NUMA1: variants seen among roughly 807,000 people sequenced by gnomAD.
NUMA1 encodes SP-H antigen.
NUMA1 carries 62 observed loss-of-function variants against 237.1 expected under a neutral mutation model. That is an observed-to-expected ratio of 0.26 (90% CI 0.21 to 0.32). NUMA1 has a LOEUF of 0.32. NUMA1 is among the 10% of genes least tolerant of loss of function. The pLI is 1.00. For synonymous variants in NUMA1, 1,028 were observed against 1,066.1 expected, an observed-to-expected ratio of 0.96 and a Z score of 0.70; for missense variants, 2,533 against 2,666.5, an observed-to-expected ratio of 0.95 and a Z score of 1.10.
At position 72,003,907 on chromosome 11, in the gene NUMA1, TGGCACCAATGGC is replaced by T. The variant is rs1279206123; in HGVS notation, c.6304_6315del (p.Ala2102_Ala2105del). Reference sequence around the variant, plus strand: ...TCTACCTTGCCCTTGGCTCGAGGGGTGGCACCAATGGCGGCAGCAGTGGCGGCGCTGGCTGTG... The same window carrying T: ...TCTACCTTGCCCTTGGCTCGAGGGGTGGCAGCAGTGGCGGCGCTGGCTGTG... On this transcript the variant is annotated inframe_deletion, in exon 26 of 27. Transcript: ENST00000393695. 1.2e-6 allele frequency: 2 copies of T among 1,613,190 alleles called. No individual in the cohort carries two copies. The highest frequency in any genetic ancestry group is 2.7e-5 in the African/African-American group (2 of 74,806).
At chr11:72,046,913 T>C (rs1942033185) in intron 2 of NUMA1, among the ~76,000 whole-genome samples, 2 of 151,814 alleles carry the variant, frequency 1.3e-5, no homozygotes, top group Admixed American at 1.3e-4. Flanking sequence ...TGAGCTGAGA[T>C]TGCGCCATTG....
intron 4 of NUMA1, among the ~76,000 whole-genome samples, chr11:72,026,837 A>G (rs1405726302): frequency 3.9e-5 from 6 of 152,150 alleles, no homozygotes; most frequent in Non-Finnish European, 5.9e-5. Flanking sequence ...GCCAGAACAT[A>G]TTAACTAAGA....
intron 1 of NUMA1, among the ~76,000 whole-genome samples, chr11:72,079,518 C>A (rs1201725253): frequency 6.7e-6 from 1 of 149,518 alleles, no homozygotes; most frequent in Non-Finnish European, 1.5e-5. Context: ...CCGGCCTGGG[C>A]GATAGGGCGA....
rs1314480088 is a variant in NUMA1, at chr11:72,014,183, G to A, written c.3320C>T (p.Ala1107Val). The A allele has an allele frequency of 1.9e-6, 3 of 1,613,880 alleles. No individual in the cohort carries two copies. Among genetic ancestry groups the A allele is most frequent in the Non-Finnish European group, 8.5e-7 (1 of 1,180,050 alleles). Residue 1107 changes from alanine to valine, a missense_variant, in exon 15 of 27, where the codon GCC becomes GTC. Transcript: ENST00000393695. The surrounding 1 kb of genome is among the most constrained non-coding windows in gnomAD (Gnocchi z 4.6). Reference protein sequence around the residue: ...KEKEHASGSGAQSEAAGRTEP... With the variant: ...KEKEHASGSGVQSEAAGRTEP... ...TGTCCTGCCAGCAGCCTCAGATTGG[G>A]CTCCTGAGCCAGATGCGTGCTCCTT... is the stretch of plus-strand genomic sequence containing the variant.
Position 72,005,359 on chromosome 11 carries a change from G to C in NUMA1, c.5703C>G (p.Ser1901Arg). 1 of 1,607,338 alleles carries C rather than the reference G, an allele frequency of 6.2e-7. No homozygotes were observed. The highest frequency in any genetic ancestry group is 2.3e-5 in the East Asian group (1 of 44,138). Reference protein sequence around the residue: ...VSSGAPPGRNSFYMGTCQDEP... With the variant: ...VSSGAPPGRNRFYMGTCQDEP... The stretch of plus-strand genomic sequence containing the variant: ...CATCCTGGCAAGTGCCCATGTAGAA[G>C]CTGTTCCTTCCTGTGGAAGGCAGGG... The change falls in exon 23 of 27, where the codon AGC (serine) becomes AGG (arginine). Residue 1901 changes from serine (S) to arginine (R), a missense_variant. Ser to Arg is a moderately radical substitution (Grantham distance 110). Coordinates refer to ENST00000393695, the MANE Select transcript of NUMA1 (RefSeq NM_006185.4).
At position 72,004,537 on chromosome 11, in the gene NUMA1, G is replaced by A. The variant is rs1237755803; in HGVS notation, c.6006+103C>T. 6.2e-6 allele frequency: 8 copies of A among 1,299,556 alleles called. No homozygotes were observed. The Admixed American group carries it at 1.7e-4, about 28-fold the overall frequency. 80.5% of individuals were successfully genotyped at this position (1,299,556 alleles called of 1,614,324 possible). ...GGCCCTTGGAGAGAGGGAAAGAGAG[G>A]GGGAAGTGAGGGAAGGAGAGAGAAG... On this transcript the variant is annotated intron_variant, in intron 24 of 26. Coordinates refer to ENST00000393695, the MANE Select transcript of NUMA1 (RefSeq NM_006185.4).
At chr11:72,032,251 G>A (rs993797907) in intron 3 of NUMA1, among the ~76,000 whole-genome samples, 2 of 152,248 alleles carry the variant, frequency 1.3e-5, no homozygotes, top group African/African-American at 4.8e-5. Flanking sequence ...ACGTCTTAAA[G>A]AGTTTGCTAA....
chr11:72,077,136 A>C (rs1943745285), intron 1 of NUMA1, among the ~76,000 whole-genome samples: 1 of 152,172 alleles, frequency 6.6e-6, no homozygotes, highest in Admixed American at 6.5e-5. Flanking sequence ...AAGAAAGAAT[A>C]AGATGTAGAC....
chr11:72,048,958 G>GA (rs1942158273), intron 2 of NUMA1, among the ~76,000 whole-genome samples: 1 of 152,138 alleles, frequency 6.6e-6, no homozygotes, highest in African/African-American at 2.4e-5. Flanking sequence ...CTCTCCAGAG[G>GA]ATAATGGCTG....
At chr11:72,007,464 G>GT in intron 20 of NUMA1, 29 bp from the exon 21 acceptor site, 1 of 1,610,578 alleles carries the variant, frequency 6.2e-7, no homozygotes, top group Non-Finnish European at 8.5e-7. Context: ...CTGAGGTACA[G>GT]TCCTTCACGC....
intron 2 of NUMA1, among the ~76,000 whole-genome samples, chr11:72,061,867 C>T (rs564655389): frequency 1.3e-5 from 2 of 152,212 alleles, no homozygotes; most frequent in African/African-American, 4.8e-5. Flanking sequence ...CACAATAATA[C>T]AAAACCAAAG....
rs951277865 is a variant in NUMA1 at position 72,054,468 on chromosome 11, C to CA, written c.-33+15373dup. Among the ~76,000 whole-genome samples, 702 of 122,742 alleles carry CA rather than the reference C, an allele frequency of 5.7e-3. 3 individuals carry two copies. Among genetic ancestry groups the CA allele is most frequent in the African/African-American group, 0.01 (345 of 33,282 alleles). The allele number at this position is 122,742 out of a possible 152,430, so 80.5% of individuals were successfully genotyped here. A position where few individuals can be genotyped will look rare whatever the true frequency, so the allele number is the denominator to read the frequency against. ...GGGAAACAAGAGCAAAACTCCATCT[C>CA]AAAAAAAAAAAAAATGTAAGAGTAA... On this transcript the variant is annotated intron_variant, in intron 2 of 26. Transcript: ENST00000393695.
rs1161118269 is a variant in NUMA1, at chr11:72,013,905, G to C, written c.3598C>G (p.Gln1200Glu). The C allele has an allele frequency of 6.2e-7, 1 of 1,613,882 alleles. No individual in the cohort carries two copies. The highest frequency in any genetic ancestry group is 8.5e-7 in the Non-Finnish European group (1 of 1,180,044). ...TCATCTTCAGCCTTGCTGTGGTCTTGTACCTTGGTGCGGAAGGCAGCCAAC... is the reference window on the plus strand; with the variant it reads ...TCATCTTCAGCCTTGCTGTGGTCTTCTACCTTGGTGCGGAAGGCAGCCAAC... ...RELAAFRTKV[Q>E]DHSKAEDEWK... The change falls in exon 15 of 27, where the codon CAA becomes GAA. Residue 1200 changes from glutamine to glutamate, a missense_variant. Physicochemically the swap from Gln to Glu is conservative, Grantham distance 29. This residue lies in a region of NUMA1 where 1,414 missense variants were observed against 1,508.1 expected (regional missense o/e 0.94). Transcript: ENST00000393695. The surrounding 1 kb of genome is among the most constrained non-coding windows in gnomAD (Gnocchi z 6.8).
chr11:72,053,765 G>C (rs377369609), intron 2 of NUMA1, among the ~76,000 whole-genome samples: 1 of 152,152 alleles, frequency 6.6e-6, no homozygotes, highest in Non-Finnish European at 1.5e-5. Flanking sequence ...TGTATCCATG[G>C]GTTCCACATG....
rs527960730 is a variant in NUMA1, at chr11:72,044,557, A to G, written c.-32-8582T>C. On this transcript the variant is annotated intron_variant, in intron 2 of 26. Coordinates refer to ENST00000393695, the MANE Select transcript of NUMA1 (RefSeq NM_006185.4). ...TCAAATATTTAATATATTTGATTTA[A>G]TATTCCTAACTCCTCAAATATTTAA... Among the ~76,000 whole-genome samples the G allele has an allele frequency of 6.9e-4, 104 of 150,330 alleles. 2 individuals are homozygous for G. The highest frequency in any genetic ancestry group is 9.4e-4 in the Non-Finnish European group (64 of 67,830).
intron 3 of NUMA1, among the ~76,000 whole-genome samples, 178 bp downstream of exon 3, chr11:72,035,724 T>C (rs548434466): frequency 2.0e-5 from 3 of 152,254 alleles, no homozygotes; most frequent in Non-Finnish European, 4.4e-5. Context: ...TTTACCCTTT[T>C]ATTCAGAAAA....
chr11:72,056,592 T>C (rs1364112160), intron 2 of NUMA1, among the ~76,000 whole-genome samples: 2 of 135,262 alleles, frequency 1.5e-5, no homozygotes, highest in African/African-American at 2.9e-5. Context: ...AGTGCTGGGA[T>C]TACTGGCATG....
intron 2 of NUMA1, among the ~76,000 whole-genome samples, chr11:72,056,563 G>A (rs1284231979): frequency 9.4e-5 from 13 of 137,962 alleles, no homozygotes; most frequent in Non-Finnish European, 1.7e-4. Flanking sequence ...CTTGTGATCC[G>A]CCTGCCTCAG....
At chr11:72,053,660 T>G (rs1344774402) in intron 2 of NUMA1, among the ~76,000 whole-genome samples, 1 of 152,208 alleles carries the variant, frequency 6.6e-6, no homozygotes, top group South Asian at 2.1e-4. Context: ...CAAGAAGTAA[T>G]GTATGTCTGA....
Sources: allele counts gnomAD v4.1 joint callset (sites outside exome capture counted in the v4.1 genomes callset), GRCh38; gene constraint gnomAD v4.1.1; regional missense constraint gnomAD v4.1.1; non-coding constraint Gnocchi (gnomAD v3.1); transcripts MANE v1.5; gene names NCBI Gene and HGNC (gene_info 2026-07-23, HGNC 2026-07-21).